The following LTBP1 variants were observed in gnomAD, a reference collection of about 807,000 sequenced individuals.
The protein encoded by LTBP1 is latent-transforming growth factor beta-binding protein 1.
A neutral mutation model predicts 207.6 loss-of-function variants in LTBP1; 129 were observed. The ratio of observed to expected loss-of-function variants is 0.62; its 90% CI spans 0.54 to 0.72. The LOEUF (loss-of-function observed/expected upper bound fraction) is 0.72, where lower values mean the gene tolerates loss of function less well. Among genes scored for constraint, LTBP1 ranks in the 30% least tolerant of loss-of-function variants. LTBP1 has a pLI of 0.00. For missense variants in LTBP1, 2,281 were observed against 2,217.2 expected (o/e 1.03, Z -0.58); for synonymous variants, 963 against 833.7 (o/e 1.16, Z -2.67).
intron 3 of LTBP1, among the ~76,000 whole-genome samples, chr2:33,044,155 C>T (rs1485732893): frequency 6.7e-6 from 1 of 149,488 alleles, no homozygotes; most frequent in Admixed American, 6.7e-5. Flanking sequence ...ACTTTAAGTT[C>T]TGGGATACAT....
chr2:32,962,478 G>T (rs1679281923), intron 2 of LTBP1, among the ~76,000 whole-genome samples: 1 of 152,170 alleles, frequency 6.6e-6, no homozygotes, highest in Admixed American at 6.5e-5. Flanking sequence ...CTACACAGCG[G>T]TTCTCTTTAT....
chr2:33,015,394 C>T (rs139661375), intron 2 of LTBP1, among the ~76,000 whole-genome samples: 1 of 152,266 alleles, frequency 6.6e-6, no homozygotes, highest in Non-Finnish European at 1.5e-5. Flanking sequence ...CCTTTATAGA[C>T]GTCCTTAAAT....
chr2:32,961,789 T>C (rs1679155113), intron 2 of LTBP1, among the ~76,000 whole-genome samples: 1 of 151,892 alleles, frequency 6.6e-6, no homozygotes. Flanking sequence ...CTACTAAAAA[T>C]ACAAAAATTA....
intron 3 of LTBP1, among the ~76,000 whole-genome samples, chr2:33,095,529 A>G (rs2079336237): frequency 1.3e-5 from 2 of 152,168 alleles, no homozygotes; most frequent in South Asian, 4.1e-4. Flanking sequence ...TCTCCGCAAA[A>G]TAATATTCAT....
chr2:32,983,846 C>G (rs1683137767), intron 2 of LTBP1, among the ~76,000 whole-genome samples: 1 of 152,168 alleles, frequency 6.6e-6, no homozygotes, highest in Non-Finnish European at 1.5e-5. Context: ...ATGGCCCAGT[C>G]TTGGGTGTTT....
intron 9 of LTBP1, among the ~76,000 whole-genome samples, chr2:33,241,283 A>G (rs1227637943): frequency 4.6e-5 from 7 of 152,184 alleles, no homozygotes; most frequent in Admixed American, 4.6e-4. Flanking sequence ...GAAGAGTCTT[A>G]CACGATTCTT....
intron 5 of LTBP1, among the ~76,000 whole-genome samples, chr2:33,185,208 T>C (rs1362671126): frequency 6.6e-6 from 1 of 152,122 alleles, no homozygotes; most frequent in Non-Finnish European, 1.5e-5. Context: ...TGTGATGAGA[T>C]TGCAGAGGAT....
At chr2:33,177,420 T>G (rs2086174853) in intron 5 of LTBP1, among the ~76,000 whole-genome samples, 1 of 152,120 alleles carries the variant, frequency 6.6e-6, no homozygotes, top group Non-Finnish European at 1.5e-5. Flanking sequence ...AGGGCTGAAG[T>G]GGGCAGATCA....
At chr2:32,982,893 C>CT (rs1399431599) in intron 2 of LTBP1, among the ~76,000 whole-genome samples, 2 of 152,236 alleles carry the variant, frequency 1.3e-5, no homozygotes, top group Non-Finnish European at 2.9e-5. Flanking sequence ...TGGAGAACCT[C>CT]TGTTACGGCA....
intron 7 of LTBP1, among the ~76,000 whole-genome samples, chr2:33,196,724 A>C (rs60000782): frequency 6.6e-6 from 1 of 151,978 alleles, no homozygotes; most frequent in Non-Finnish European, 1.5e-5. Context: ...AGCAGGGAGG[A>C]TTGTGAGAAG....
In LTBP1 at chr2:32,947,334, G is replaced by T; in HGVS notation, c.10G>T (p.Ala4Ser). The change falls in exon 1 of 34, where the codon GCC becomes TCC. Residue 4 changes from alanine (A) to serine (S), a missense_variant. Ala to Ser is a moderately conservative substitution (Grantham distance 99). Coordinates refer to ENST00000404816, the MANE Select transcript of LTBP1 (RefSeq NM_206943.4). ...CCCGCTGGGGCCCGCGATGGCGGGG[G>T]CCTGGCTCAGGTGGGGGCTCCTGCT... MAG[A>S]WLRWGLLLWA... 1 of 1,244,022 alleles carries T rather than the reference G, an allele frequency of 8.0e-7. No individual in the cohort carries two copies. Among genetic ancestry groups the T allele is most frequent in the South Asian group, 3.1e-5 (1 of 31,880 alleles). The allele number at this position is 1,244,022 out of a possible 1,614,324, so 77.1% of individuals were successfully genotyped here.
chr2:33,018,956 T>C (rs1450637445), intron 2 of LTBP1, among the ~76,000 whole-genome samples: 1 of 152,036 alleles, frequency 6.6e-6, no homozygotes, highest in African/African-American at 2.4e-5. Context: ...TTTAGAAAAA[T>C]CATTACTTGC....
At chr2:33,257,232 A>G (rs1323568038) in intron 11 of LTBP1, 52 bp from the exon 12 acceptor site, 9 of 1,339,660 alleles carry the variant, frequency 6.7e-6, no homozygotes, top group Non-Finnish European at 9.6e-6. Flanking sequence ...TCCTCTGTAT[A>G]AGTTTGCACT....
At chr2:33,380,776 A>G (rs1167613000) in intron 31 of LTBP1, among the ~76,000 whole-genome samples, 1 of 152,226 alleles carries the variant, frequency 6.6e-6, no homozygotes, top group Non-Finnish European at 1.5e-5. Context: ...CATGAAATTA[A>G]GCACTCTAAA....
intron 20 of LTBP1, among the ~76,000 whole-genome samples, chr2:33,299,855 C>G (rs183837355): frequency 8.2e-4 from 125 of 152,270 alleles, no homozygotes; most frequent in Non-Finnish European, 1.5e-3. Context: ...CTTGTCAAAG[C>G]ATGTTTAAAA....
At chr2:33,154,968 C>CA (rs1286366477) in intron 5 of LTBP1, among the ~76,000 whole-genome samples, 10 of 152,034 alleles carry the variant, frequency 6.6e-5, no homozygotes, top group African/African-American at 2.2e-4. Flanking sequence ...GAGGCTGAGT[C>CA]AGGAGAATCA....
At chr2:32,973,572 C>A (rs1394883721) in intron 2 of LTBP1, among the ~76,000 whole-genome samples, 1 of 152,090 alleles carries the variant, frequency 6.6e-6, no homozygotes, top group African/African-American at 2.4e-5. Flanking sequence ...TACAAGGACC[C>A]CCTTATCTGC....
intron 5 of LTBP1, among the ~76,000 whole-genome samples, chr2:33,139,329 C>G (rs188448784): frequency 3.9e-5 from 6 of 152,104 alleles, no homozygotes; most frequent in African/African-American, 1.4e-4. Context: ...TCCCATGTTG[C>G]CTCCTATGAC....
chr2:33,186,088 G>A (rs1385353796), intron 5 of LTBP1, among the ~76,000 whole-genome samples: 1 of 152,112 alleles, frequency 6.6e-6, no homozygotes, highest in Non-Finnish European at 1.5e-5. Flanking sequence ...AACTAATTTT[G>A]GACTTCACTG....
Sources: allele counts gnomAD v4.1 joint callset (sites outside exome capture counted in the v4.1 genomes callset), GRCh38; gene constraint gnomAD v4.1.1; transcripts MANE v1.5; gene names NCBI Gene and HGNC (gene_info 2026-07-23, HGNC 2026-07-21).